NAV2: variants seen among roughly 807,000 people sequenced by gnomAD.
NAV2 encodes neuron navigator 2.
In NAV2, 54 loss-of-function variants were observed where a neutral mutation model predicts 223.2. The observed-to-expected ratio is 0.24, with a 90% CI of 0.19 to 0.30. The LOEUF (loss-of-function observed/expected upper bound fraction) is 0.30, where lower values mean the gene tolerates loss of function less well. NAV2 is among the 10% of genes least tolerant of loss of function. NAV2 has a pLI of 1.00. For missense variants in NAV2, 2,806 were observed against 3,147.5 expected (o/e 0.89, Z 2.60); for synonymous variants, 1,279 against 1,239.3 (o/e 1.03, Z -0.67).
At chr11:19,710,302 G>A (rs1483066195), upstream of NAV2, among the ~76,000 whole-genome samples, 1 of 152,216 alleles carries the variant, frequency 6.6e-6, no homozygotes, top group Non-Finnish European at 1.5e-5. Flanking sequence ...TAGAACACCA[G>A]CATGTGCATG....
intron 1 of NAV2, among the ~76,000 whole-genome samples, chr11:19,479,874 C>T (rs2042227362): frequency 6.6e-6 from 1 of 152,174 alleles, no homozygotes; most frequent in South Asian, 2.1e-4. Flanking sequence ...CTCAGCCCCA[C>T]CTCCAGTTGA....
upstream of NAV2, among the ~76,000 whole-genome samples, chr11:19,348,454 C>A (rs933354744): frequency 7.9e-5 from 12 of 152,218 alleles, no homozygotes; most frequent in African/African-American, 2.9e-4. Context: ...TGAGCAGGAA[C>A]TTTGAAGTCA....
intron 1 of NAV2, among the ~76,000 whole-genome samples, chr11:19,714,719 A>T (rs2050148743): frequency 6.6e-6 from 1 of 152,080 alleles, no homozygotes; most frequent in South Asian, 2.1e-4. Flanking sequence ...TGGGGATGGG[A>T]GATGGCTTGA....
intron 1 of NAV2, among the ~76,000 whole-genome samples, chr11:19,747,238 G>T (rs2053446891): frequency 6.6e-6 from 1 of 151,800 alleles, no homozygotes; most frequent in Non-Finnish European, 1.5e-5. Context: ...ATTTTTTATG[G>T]CTGCATAGTA....
chr11:19,497,772 C>G (rs1033129435), intron 1 of NAV2, among the ~76,000 whole-genome samples: 34 of 152,198 alleles, frequency 2.2e-4, no homozygotes, highest in Admixed American at 2.0e-3. Flanking sequence ...TCGGTTAGCC[C>G]AGCTCTGTGC....
At chr11:19,474,526 T>G (rs2042059894) in intron 1 of NAV2, among the ~76,000 whole-genome samples, 1 of 152,204 alleles carries the variant, frequency 6.6e-6, no homozygotes, top group East Asian at 1.9e-4. Flanking sequence ...CTGTGGGCGC[T>G]GATGCTAGCA....
At chr11:19,956,373 C>CACAT (rs1373132131) in intron 10 of NAV2, among the ~76,000 whole-genome samples, 1 of 150,330 alleles carries the variant, frequency 6.7e-6, no homozygotes, top group Admixed American at 6.6e-5. Flanking sequence ...CATACACACA[C>CACAT]ACACACACAC....
intron 1 of NAV2, chr11:19,402,019 G>T (rs577014478): frequency 4.6e-5 from 7 of 152,208 alleles, no homozygotes; most frequent in Admixed American, 3.3e-4. Context: ...ATTTCTAAGG[G>T]TCCCTCATTC....
At chr11:19,778,993 G>A (rs1020571825) in intron 1 of NAV2, among the ~76,000 whole-genome samples, 24 of 152,198 alleles carry the variant, frequency 1.6e-4, no homozygotes, top group African/African-American at 5.5e-4. Flanking sequence ...AAAACGTGGA[G>A]CCTCCCAGGG....
intron 1 of NAV2, among the ~76,000 whole-genome samples, chr11:19,491,344 C>T (rs10741775): frequency 0.33 from 50,145 of 152,160 alleles, 8,884 homozygotes; most frequent in South Asian, 0.4. Context: ...TTCATATTCA[C>T]GGAAAATCAG....
At chr11:20,080,328 C>T (rs1039631743) in intron 25 of NAV2, 119 bp downstream of exon 25, 20 of 921,996 alleles carry the variant, frequency 2.2e-5, no homozygotes, top group South Asian at 3.7e-5. Context: ...GCACTTTGGG[C>T]GTAGATCCCA....
chr11:19,770,891 G>A (rs1264910902), intron 1 of NAV2, among the ~76,000 whole-genome samples: 1 of 152,170 alleles, frequency 6.6e-6, no homozygotes, highest in African/African-American at 2.4e-5. Flanking sequence ...TTAGCCTGGT[G>A]AGGGCATCAT....
chr11:20,043,010 C>T (rs966352159), intron 12 of NAV2, among the ~76,000 whole-genome samples: 7 of 152,202 alleles, frequency 4.6e-5, no homozygotes, highest in Non-Finnish European at 1.0e-4. Flanking sequence ...AATTATATCC[C>T]TTGTCAGAAC....
chr11:19,928,567 C>T (rs532588465), intron 6 of NAV2, among the ~76,000 whole-genome samples: 6 of 152,258 alleles, frequency 3.9e-5, no homozygotes, highest in Non-Finnish European at 7.3e-5. Context: ...GAAGAACTCA[C>T]GCCACCCACC....
Position 19,638,011 on chromosome 11 carries a change from T to C in NAV2, c.76-194473T>C, listed in dbSNP as rs183908920. On this transcript the variant is annotated intron_variant, in intron 1 of 37. Coordinates refer to the NAV2 transcript ENST00000360655. The stretch of plus-strand genomic sequence containing the variant: ...TATGTGCTAAATATTCTACATATGT[T>C]ATCTAAAATACTCAGGGTAACCTTA... Among the ~76,000 whole-genome samples, 3 of 152,352 alleles carry C rather than the reference T, an allele frequency of 2.0e-5. No homozygotes were observed. The East Asian group carries it at 5.8e-4, about 29-fold the overall frequency.
chr11:19,963,259 C>T (rs147037334), intron 10 of NAV2, among the ~76,000 whole-genome samples: 39 of 152,280 alleles, frequency 2.6e-4, no homozygotes, highest in Non-Finnish European at 3.8e-4. Flanking sequence ...GACTGTTTCT[C>T]GTCCCAGTTT....
chr11:19,732,828 G>C (rs2051925960), intron 1 of NAV2, among the ~76,000 whole-genome samples: 1 of 152,328 alleles, frequency 6.6e-6, no homozygotes, highest in Non-Finnish European at 1.5e-5. Flanking sequence ...CAGGGAGAAA[G>C]AGCATCCTTT....
intron 3 of NAV2, among the ~76,000 whole-genome samples, chr11:19,847,034 G>A (rs2060849336): frequency 6.6e-6 from 1 of 152,206 alleles, no homozygotes; most frequent in Admixed American, 6.5e-5. Context: ...GTCAGAGCTG[G>A]TTAAAATGTT....
chr11:20,088,237 G>A (rs1219802086), intron 26 of NAV2, among the ~76,000 whole-genome samples: 1 of 152,170 alleles, frequency 6.6e-6, no homozygotes, highest in Non-Finnish European at 1.5e-5. Context: ...TAGTGCAGTG[G>A]CGCGATCTTG....
Sources: gnomAD v4.1 joint callset for allele counts (sites outside exome capture counted in the v4.1 genomes callset) on GRCh38, gnomAD v4.1.1 for gene constraint, MANE v1.5 for transcripts, NCBI Gene and HGNC (gene_info 2026-07-23, HGNC 2026-07-21) for gene names.